DAB1: variants seen among roughly 807,000 people sequenced by gnomAD.
DAB1 encodes the protein DAB adaptor protein 1.
In DAB1, 15 loss-of-function variants were observed where a neutral mutation model predicts 64.6. The ratio of observed to expected loss-of-function variants is 0.23; its 90% CI spans 0.16 to 0.36. The LOEUF (loss-of-function observed/expected upper bound fraction) is 0.36, where lower values mean the gene tolerates loss of function less well. Among genes scored for constraint, DAB1 ranks in the 10% least tolerant of loss-of-function variants. DAB1 has a pLI of 1.00. For missense variants in DAB1, 596 were observed against 706.7 expected (o/e 0.84, Z 1.78); for synonymous variants, 235 against 251.9 (o/e 0.93, Z 0.64).
intron 5 of DAB1, among the ~76,000 whole-genome samples, chr1:58,055,914 T>TATTATTA (rs1467147062): frequency 6.6e-6 from 1 of 151,674 alleles, no homozygotes; most frequent in African/African-American, 2.4e-5. Context: ...TTATTTGTAT[T>TATTATTA]TTTTGTATAG....
At chr1:57,957,991 CTT>C (rs771384893) in intron 5 of DAB1, among the ~76,000 whole-genome samples, 4 of 144,494 alleles carry the variant, frequency 2.8e-5, no homozygotes, top group Non-Finnish European at 1.5e-5. Context: ...GGATGATGTG[CTT>C]TTTTTTTTTT....
chr1:57,111,497 C>T (rs1290178920), intron 4 of DAB1, among the ~76,000 whole-genome samples: 2 of 152,258 alleles, frequency 1.3e-5, no homozygotes. Flanking sequence ...TGTGTACAAG[C>T]ACCTGCTAGC....
intron 2 of DAB1, among the ~76,000 whole-genome samples, chr1:57,211,216 A>T (rs1327674031): frequency 6.6e-6 from 1 of 152,224 alleles, no homozygotes; most frequent in Non-Finnish European, 1.5e-5. Flanking sequence ...AAACACTCAG[A>T]GTTCGTTAAG....
intron 5 of DAB1, among the ~76,000 whole-genome samples, chr1:57,905,619 G>A (rs1316546184): frequency 6.6e-6 from 1 of 152,160 alleles, no homozygotes; most frequent in Non-Finnish European, 1.5e-5. Context: ...GAAGCTCAGG[G>A]AAGAAGTCTG....
chr1:57,155,753 CTTTTT>C (rs369604250), intron 2 of DAB1, among the ~76,000 whole-genome samples: 1 of 127,992 alleles, frequency 7.8e-6, no homozygotes, highest in Non-Finnish European at 1.7e-5. Context: ...AGAGATCTTT[CTTTTT>C]TTTTTTTTTT....
chr1:57,461,898 G>A (rs1276500785), intron 7 of DAB1, among the ~76,000 whole-genome samples: 2 of 151,314 alleles, frequency 1.3e-5, no homozygotes, highest in Admixed American at 6.6e-5. Flanking sequence ...GCTAAGGGGA[G>A]GTGGGAGTGG....
intron 5 of DAB1, among the ~76,000 whole-genome samples, chr1:57,957,880 T>G (rs1645426816): frequency 6.6e-6 from 1 of 152,166 alleles, no homozygotes; most frequent in African/African-American, 2.4e-5. Flanking sequence ...TGTGAAAACT[T>G]GTTTATAATT....
intron 3 of DAB1, among the ~76,000 whole-genome samples, chr1:58,367,784 T>C (rs192319295): frequency 6.6e-6 from 1 of 152,290 alleles, no homozygotes; most frequent in African/African-American, 2.4e-5. Flanking sequence ...AGTAAGATAA[T>C]GGTCATGTTA....
intron 4 of DAB1, among the ~76,000 whole-genome samples, chr1:57,105,771 G>A (rs1173316210): frequency 2.6e-5 from 4 of 152,058 alleles, no homozygotes; most frequent in Admixed American, 1.3e-4. Context: ...TTTCCTTAAC[G>A]TTTTCTTCTT....
intron 2 of DAB1, among the ~76,000 whole-genome samples, chr1:57,277,898 G>T (rs1671595715): frequency 6.6e-6 from 1 of 152,154 alleles, no homozygotes; most frequent in Non-Finnish European, 1.5e-5. Context: ...TCTTGCCTCT[G>T]GTTTAACAAT....
At chr1:57,026,434 C>A (rs756944902) in intron 9 of DAB1, among the ~76,000 whole-genome samples, 1 of 152,152 alleles carries the variant, frequency 6.6e-6, no homozygotes, top group Non-Finnish European at 1.5e-5. Flanking sequence ...ATACAACTTG[C>A]CTTCCATGTG....
At chr1:58,058,561 C>T (rs1648290411) in intron 5 of DAB1, among the ~76,000 whole-genome samples, 1 of 152,188 alleles carries the variant, frequency 6.6e-6, no homozygotes, top group Non-Finnish European at 1.5e-5. Flanking sequence ...AATATTTGCT[C>T]ACCACTGAGA....
At chr1:57,721,040 G>A (rs1259390336) in intron 6 of DAB1, among the ~76,000 whole-genome samples, 1 of 152,164 alleles carries the variant, frequency 6.6e-6, no homozygotes, top group African/African-American at 2.4e-5. Context: ...TGATATTGAT[G>A]TTATAATTTT....
intron 4 of DAB1, among the ~76,000 whole-genome samples, chr1:58,297,305 G>A (rs1363892181): frequency 1.3e-5 from 2 of 152,148 alleles, no homozygotes; most frequent in African/African-American, 4.8e-5. Context: ...CTGTAACTTG[G>A]TATTACTTGG....
chr1:57,323,102 G>C (rs1437717571), intron 1 of DAB1, among the ~76,000 whole-genome samples: 2 of 151,882 alleles, frequency 1.3e-5, no homozygotes, highest in African/African-American at 4.8e-5. Context: ...GCTGGTCCAT[G>C]GACCACAGGT....
chr1:58,229,813 A>T (rs568538065), intron 4 of DAB1, among the ~76,000 whole-genome samples: 41 of 152,314 alleles, frequency 2.7e-4, no homozygotes, highest in African/African-American at 9.9e-4. Context: ...AAGCAGTACG[A>T]CTAAAAATTC....
chr1:57,711,381 C>T (rs1167361043), intron 6 of DAB1, among the ~76,000 whole-genome samples: 1 of 152,178 alleles, frequency 6.6e-6, no homozygotes, highest in East Asian at 1.9e-4. Context: ...TTTCATAACA[C>T]CTTATTCTTA....
At chr1:57,069,273 A>G in intron 8 of DAB1, 87 bp downstream of exon 8, 2 of 1,145,954 alleles carry the variant, frequency 1.7e-6, no homozygotes, top group Non-Finnish European at 2.6e-6. Context: ...GGAATGACCA[A>G]CAGAACCCTT....
intron 7 of DAB1, among the ~76,000 whole-genome samples, chr1:57,487,041 C>T (rs1458299635): frequency 1.3e-5 from 2 of 151,732 alleles, no homozygotes; most frequent in African/African-American, 4.8e-5. Context: ...GAGACCTGAA[C>T]AGCTAGAAGG....
Sources: allele counts gnomAD v4.1 joint callset (sites outside exome capture counted in the v4.1 genomes callset), GRCh38; gene constraint gnomAD v4.1.1; transcripts MANE v1.5; gene names NCBI Gene and HGNC (gene_info 2026-07-23, HGNC 2026-07-21).